The following AGMO variants were observed in gnomAD, a reference collection of about 807,000 sequenced individuals.
The protein encoded by AGMO is glyceryl-ether monooxygenase.
AGMO carries 75 observed loss-of-function variants against 60.2 expected under a neutral mutation model. The observed-to-expected ratio is 1.25, with a 90% CI of 1.03 to 1.51. AGMO has a LOEUF of 1.51. Ranked by LOEUF, AGMO falls within the 40% of genes most tolerant of loss-of-function variation. The probability of loss-of-function intolerance (pLI) is 0.00; values close to 1 mark genes in which losing one functional copy is unlikely to be tolerated. For missense variants in AGMO, 763 were observed against 525.5 expected (o/e 1.45, Z -4.42); for synonymous variants, 261 against 177.1 (o/e 1.47, Z -3.76).
chr7:15,496,628 A>C (rs1783240434), intron 3 of AGMO, among the ~76,000 whole-genome samples: 1 of 152,178 alleles, frequency 6.6e-6, no homozygotes, highest in African/African-American at 2.4e-5. Context: ...GAAATAACAC[A>C]AACACATGAA....
intron 12 of AGMO, among the ~76,000 whole-genome samples, chr7:15,335,019 T>C (rs73064528): frequency 0.035 from 5,255 of 152,270 alleles, 128 homozygotes; most frequent in Non-Finnish European, 0.053. Context: ...AGCTTTATGT[T>C]GTAAATTTAA....
At chr7:15,328,917 G>C (rs1218685638) in intron 12 of AGMO, among the ~76,000 whole-genome samples, 2 of 151,866 alleles carry the variant, frequency 1.3e-5, no homozygotes, top group Non-Finnish European at 2.9e-5. Context: ...TCCATACCAG[G>C]TCTTGGAAGC....
At chr7:15,345,220 C>T (rs985144625) in intron 12 of AGMO, among the ~76,000 whole-genome samples, 16 of 152,280 alleles carry the variant, frequency 1.1e-4, no homozygotes, top group African/African-American at 3.6e-4. Flanking sequence ...CCATCAGTTT[C>T]TGATATTATT....
intron 5 of AGMO, among the ~76,000 whole-genome samples, chr7:15,407,019 G>GTA (rs200664259): frequency 7.2e-6 from 1 of 138,836 alleles, no homozygotes; most frequent in South Asian, 2.3e-4. Flanking sequence ...ATATATATGT[G>GTA]TATATATATG....
intron 5 of AGMO, among the ~76,000 whole-genome samples, chr7:15,417,788 G>A (rs1349435153): frequency 6.6e-6 from 1 of 152,160 alleles, no homozygotes; most frequent in African/African-American, 2.4e-5. Flanking sequence ...GTGATTTGTA[G>A]TGTTGTTTAA....
At chr7:15,547,399 G>A (rs925949445) in intron 2 of AGMO, among the ~76,000 whole-genome samples, 3 of 152,070 alleles carry the variant, frequency 2.0e-5, no homozygotes, top group African/African-American at 7.3e-5. Flanking sequence ...ATTTCCATCT[G>A]AGGTACCGGG....
intron 5 of AGMO, among the ~76,000 whole-genome samples, chr7:15,418,206 C>T (rs1029236550): frequency 3.3e-5 from 5 of 151,980 alleles, no homozygotes; most frequent in Admixed American, 2.0e-4. Flanking sequence ...TATATATACA[C>T]ATATACATAT....
At chr7:15,371,162 C>G (rs1165754563) in intron 10 of AGMO, among the ~76,000 whole-genome samples, 1 of 151,912 alleles carries the variant, frequency 6.6e-6, no homozygotes, top group East Asian at 1.9e-4. Flanking sequence ...TATAAAAACC[C>G]TAGAAGAAAA....
chr7:15,228,284 G>A (rs572535779), intron 12 of AGMO, among the ~76,000 whole-genome samples: 2 of 152,166 alleles, frequency 1.3e-5, no homozygotes, highest in Middle Eastern at 3.4e-3. Flanking sequence ...GTCAAAACCT[G>A]AGTTGAAGGC....
chr7:15,243,932 A>C (rs929847044), intron 12 of AGMO, among the ~76,000 whole-genome samples: 2 of 152,124 alleles, frequency 1.3e-5, no homozygotes, highest in Admixed American at 6.5e-5. Context: ...TGATTGTTTT[A>C]ATATGGAATG....
At chr7:15,337,769 T>C (rs1403058526) in intron 12 of AGMO, among the ~76,000 whole-genome samples, 5 of 152,210 alleles carry the variant, frequency 3.3e-5, no homozygotes, top group Admixed American at 2.6e-4. Context: ...CAGCGACTGC[T>C]GAGTCTCACC....
At chr7:15,252,209 G>A (rs1583330058) in intron 12 of AGMO, among the ~76,000 whole-genome samples, 1 of 152,298 alleles carries the variant, frequency 6.6e-6, no homozygotes, top group African/African-American at 2.4e-5. Flanking sequence ...GTATTATGGA[G>A]AAAAGGAACT....
rs544256407 is a variant in AGMO at position 15,319,169 on chromosome 7, T to C, written c.1263+46345A>G. On this transcript the variant is annotated intron_variant, in intron 12 of 12. Transcript: ENST00000342526. ...AGGTTTTATTTTTCTGTAATGGCAA[T>C]CTTGGCAACCAATCCCTGCAAAAAA... 2.3e-3 allele frequency among the ~76,000 whole-genome samples: 349 copies of C among 152,258 alleles called. 2 individuals are homozygous for C. Among genetic ancestry groups the C allele is most frequent in the Middle Eastern group, 0.01 (3 of 294 alleles).
intron 12 of AGMO, among the ~76,000 whole-genome samples, chr7:15,282,320 T>C (rs1290309314): frequency 6.6e-6 from 1 of 151,602 alleles, no homozygotes; most frequent in East Asian, 1.9e-4. Context: ...ATAAAGAATA[T>C]AGAAAAATGA....
chr7:15,443,960 T>A (rs1485439633), intron 3 of AGMO, among the ~76,000 whole-genome samples: 4 of 152,184 alleles, frequency 2.6e-5, no homozygotes, highest in Non-Finnish European at 5.9e-5. Flanking sequence ...AAACTATCTT[T>A]AGCCCTCCTC....
intron 12 of AGMO, among the ~76,000 whole-genome samples, chr7:15,335,980 C>A (rs1233987142): frequency 1.3e-5 from 2 of 152,068 alleles, no homozygotes; most frequent in African/African-American, 4.8e-5. Context: ...AGAAACACAT[C>A]ATAGTAAGTG....
At chr7:15,281,976 C>T (rs768883458) in intron 12 of AGMO, among the ~76,000 whole-genome samples, 1 of 152,072 alleles carries the variant, frequency 6.6e-6, no homozygotes, top group Non-Finnish European at 1.5e-5. Flanking sequence ...CATACAGGGT[C>T]TTGACCTCTG....
intron 10 of AGMO, among the ~76,000 whole-genome samples, chr7:15,383,874 T>A (rs1783799293): frequency 6.6e-6 from 1 of 152,208 alleles, no homozygotes; most frequent in Non-Finnish European, 1.5e-5. Context: ...CTTCCATGTT[T>A]TTAATCTGTT....
intron 10 of AGMO, among the ~76,000 whole-genome samples, chr7:15,370,752 T>C (rs560033395): frequency 6.6e-6 from 1 of 152,304 alleles, no homozygotes; most frequent in Admixed American, 6.5e-5. Context: ...TTTTTTCTTG[T>C]TGATCTGGTT....
Sources: allele counts gnomAD v4.1 joint callset (sites outside exome capture counted in the v4.1 genomes callset), GRCh38; gene constraint gnomAD v4.1.1; transcripts MANE v1.5; gene names NCBI Gene and HGNC (gene_info 2026-07-23, HGNC 2026-07-21).